Variants in TBC1D22A observed in about 807,000 individuals in gnomAD.
The protein encoded by TBC1D22A is putative GTPase activator.
Under a neutral mutation model 60.2 loss-of-function variants are expected in TBC1D22A, and 38 were observed. The observed-to-expected ratio is 0.63, with a 90% confidence interval of 0.49 to 0.83. TBC1D22A has a LOEUF of 0.83. TBC1D22A is among the 40% of genes least tolerant of loss of function. The pLI, the probability that TBC1D22A is intolerant of heterozygous loss-of-function variation, is 0.00. For missense variants in TBC1D22A, 628 were observed against 701.0 expected, an observed-to-expected ratio of 0.90 and a Z score of 1.18; for synonymous variants, 302 against 281.7, an observed-to-expected ratio of 1.07 and a Z score of -0.72.
intron 11 of TBC1D22A, among the ~76,000 whole-genome samples, chr22:47,111,143 C>T (rs1036041277): frequency 2.0e-5 from 3 of 152,208 alleles, no homozygotes; most frequent in South Asian, 2.1e-4. Context: ...CTCCCTCACG[C>T]GCCCTTTGTG....
In TBC1D22A at chr22:46,942,030, A is replaced by AT. The variant is rs1306180196; in HGVS notation, c.1015+29843dup. Among the ~76,000 whole-genome samples the AT allele has an allele frequency of 1.6e-4, 23 of 145,916 alleles. No individual in the cohort carries two copies. In the South Asian group the frequency reaches 4.5e-3, roughly 28 times the overall value. On this transcript the variant is annotated intron_variant, in intron 8 of 12. Coordinates refer to ENST00000337137, the MANE Select transcript of TBC1D22A (RefSeq NM_014346.5). ...ATACATATATATATATATATATTAT[A>AT]TATATATATACACACAGTCCACCCT...
chr22:46,900,931 A>C (rs1477281319), intron 7 of TBC1D22A, among the ~76,000 whole-genome samples: 1 of 152,226 alleles, frequency 6.6e-6, no homozygotes, highest in African/African-American at 2.4e-5. Context: ...TTAACGTTGC[A>C]CCATTGACTT....
chr22:46,891,413 T>C lies in TBC1D22A; in HGVS notation c.837+19T>C, dbSNP rs2068400785. The stretch of plus-strand genomic sequence containing the variant: ...CAGGCAGGTGGGAATCCTTTCTTTT[T>C]TTCGTATGTTGCCTGATGTACTTTG... On this transcript the variant is annotated intron_variant, in intron 6 of 12. Coordinates refer to ENST00000337137, the MANE Select transcript of TBC1D22A (RefSeq NM_014346.5). 1.3e-6 allele frequency: 2 copies of C among 1,589,758 alleles called. No homozygotes were observed. Among genetic ancestry groups the C allele is most frequent in the East Asian group, 2.3e-5 (1 of 43,674 alleles).
chr22:46,930,440 G>GT (rs1048518206), intron 8 of TBC1D22A, among the ~76,000 whole-genome samples: 21 of 151,750 alleles, frequency 1.4e-4, no homozygotes, highest in African/African-American at 3.9e-4. Context: ...GAATTAACCT[G>GT]TTTTTTTTCC....
intron 11 of TBC1D22A, among the ~76,000 whole-genome samples, chr22:47,093,306 C>T (rs1188937034): frequency 1.3e-5 from 2 of 152,174 alleles, no homozygotes; most frequent in East Asian, 1.9e-4. Flanking sequence ...TGCTGGTGAC[C>T]TTGGATCTCT....
intron 12 of TBC1D22A, among the ~76,000 whole-genome samples, chr22:47,128,411 G>T (rs1405826378): frequency 7.6e-6 from 1 of 131,520 alleles, no homozygotes; most frequent in African/African-American, 3.0e-5. Flanking sequence ...GAGGGAGGAG[G>T]AGCTGGTCCT....
chr22:47,067,787 T>C (rs1393931826), intron 11 of TBC1D22A, among the ~76,000 whole-genome samples: 2 of 152,200 alleles, frequency 1.3e-5, no homozygotes, highest in Non-Finnish European at 2.9e-5. Context: ...TGCGCTTGCA[T>C]ACGTGCACTC....
At chr22:47,006,003 C>A (rs567483768) in intron 10 of TBC1D22A, among the ~76,000 whole-genome samples, 1 of 152,102 alleles carries the variant, frequency 6.6e-6, no homozygotes, top group Admixed American at 6.5e-5. Context: ...TACACAGGTG[C>A]CTATACATGC....
rs1234873450 is a variant in TBC1D22A, at chr22:46,830,434, C to T, written c.637+32814C>T. Among the ~76,000 whole-genome samples the T allele has an allele frequency of 3.3e-5, 5 of 152,366 alleles. No individual in the cohort carries two copies. The East Asian group carries it at 5.8e-4, about 18-fold the overall frequency. ...CTAGAAATCGCAGGGCGTCATGTTG[C>T]ATGTAGGCTGCAAGCTGTGAGCAGC... On this transcript the variant is annotated intron_variant, in intron 4 of 12. Transcript: ENST00000337137.
chr22:46,942,447 C>T (rs189320131), intron 8 of TBC1D22A, among the ~76,000 whole-genome samples: 2 of 152,116 alleles, frequency 1.3e-5, no homozygotes, highest in Non-Finnish European at 2.9e-5. Context: ...CTGGTCACAG[C>T]GTTTCAGCTG....
intron 8 of TBC1D22A, among the ~76,000 whole-genome samples, chr22:46,918,356 C>G (rs989488639): frequency 2.0e-5 from 3 of 152,180 alleles, no homozygotes; most frequent in African/African-American, 7.2e-5. Flanking sequence ...ACCCACACAG[C>G]GATGTCCTCC....
chr22:47,044,605 T>C (rs2062968621), intron 11 of TBC1D22A, among the ~76,000 whole-genome samples: 2 of 152,148 alleles, frequency 1.3e-5, no homozygotes, highest in African/African-American at 4.8e-5. Flanking sequence ...CATGAGCCCA[T>C]TAAGATTTGA....
At chr22:47,104,342 A>G (rs1261291835) in intron 11 of TBC1D22A, among the ~76,000 whole-genome samples, 1 of 151,480 alleles carries the variant, frequency 6.6e-6, no homozygotes, top group Non-Finnish European at 1.5e-5. Flanking sequence ...ACATAGCTAG[A>G]TTTTTTTCTT....
At chr22:46,782,967 A>G (rs1601842720) in intron 1 of TBC1D22A, among the ~76,000 whole-genome samples, 1 of 151,906 alleles carries the variant, frequency 6.6e-6, no homozygotes, top group African/African-American at 2.4e-5. Flanking sequence ...TTGGGTATCT[A>G]CCTCCGAGTG....
intron 4 of TBC1D22A, among the ~76,000 whole-genome samples, chr22:46,866,154 C>T (rs1248269035): frequency 6.6e-6 from 1 of 152,180 alleles, no homozygotes; most frequent in East Asian, 1.9e-4. Context: ...ACCCAGGCTG[C>T]AGTGCCGTGG....
intron 4 of TBC1D22A, among the ~76,000 whole-genome samples, chr22:46,840,957 A>G (rs1264366169): frequency 6.6e-6 from 1 of 152,016 alleles, no homozygotes; most frequent in African/African-American, 2.4e-5. Flanking sequence ...GGATATTTGT[A>G]CCTTCGTGTT....
intron 7 of TBC1D22A, among the ~76,000 whole-genome samples, chr22:46,910,123 G>C (rs1371863988): frequency 6.6e-6 from 1 of 152,208 alleles, no homozygotes; most frequent in African/African-American, 2.4e-5. Context: ...AATGGAAAGC[G>C]TGTATGAATA....
intron 11 of TBC1D22A, among the ~76,000 whole-genome samples, chr22:47,109,256 C>A (rs1603277083): frequency 6.6e-6 from 1 of 152,064 alleles, no homozygotes; most frequent in East Asian, 1.9e-4. Flanking sequence ...TTGGCAGAAC[C>A]ATAAGGAGAA....
At chr22:46,962,396 G>A (rs2073556105) in intron 8 of TBC1D22A, among the ~76,000 whole-genome samples, 1 of 152,350 alleles carries the variant, frequency 6.6e-6, no homozygotes, top group African/African-American at 2.4e-5. Context: ...GATGATCTTA[G>A]GCCCTGCTGG....
Sources: allele counts gnomAD v4.1 joint callset (sites outside exome capture counted in the v4.1 genomes callset), GRCh38; gene constraint gnomAD v4.1.1; transcripts MANE v1.5; gene names NCBI Gene and HGNC (gene_info 2026-07-23, HGNC 2026-07-21).